GRM3: variants seen among roughly 807,000 people sequenced by gnomAD.
GRM3 encodes the protein glutamate metabotropic receptor 3, also known as metabotropic glutamate receptor 3.
GRM3 carries 26 observed loss-of-function variants against 70.5 expected under a neutral mutation model. The ratio of observed to expected loss-of-function variants is 0.37; its 90% CI spans 0.27 to 0.51. The LOEUF (loss-of-function observed/expected upper bound fraction) is 0.51, where lower values mean the gene tolerates loss of function less well. Ranked by LOEUF, GRM3 falls within the 20% of genes least tolerant of loss-of-function variation. The probability of loss-of-function intolerance (pLI) is 0.93; values close to 1 mark genes in which losing one functional copy is unlikely to be tolerated. For missense variants in GRM3, 859 were observed against 1,123.8 expected (o/e 0.76, Z 3.37); for synonymous variants, 443 against 434.9 (o/e 1.02, Z -0.23).
chr7:86,777,834 A>G (rs1028295698), intron 2 of GRM3, among the ~76,000 whole-genome samples: 3 of 152,160 alleles, frequency 2.0e-5, no homozygotes, highest in Admixed American at 1.3e-4. Context: ...ATACAAGCCA[A>G]TCTGGGATTT....
At chr7:86,720,411 C>T (rs746762643) in intron 1 of GRM3, among the ~76,000 whole-genome samples, 1 of 152,072 alleles carries the variant, frequency 6.6e-6, no homozygotes. Context: ...TAGCTTTAGA[C>T]ATCAGAAGAT....
chr7:86,772,354 T>G (rs1298005074), intron 2 of GRM3, among the ~76,000 whole-genome samples: 2 of 152,076 alleles, frequency 1.3e-5, no homozygotes, highest in African/African-American at 2.4e-5. Context: ...TGCTCATAAA[T>G]GAGAAATAAG....
intron 1 of GRM3, among the ~76,000 whole-genome samples, chr7:86,762,652 C>G (rs1796507940): frequency 6.6e-6 from 1 of 152,024 alleles, no homozygotes; most frequent in South Asian, 2.1e-4. Context: ...CTTGAACAAA[C>G]TACAACAGGA....
chr7:86,741,283 G>A (rs1023994793), intron 1 of GRM3, among the ~76,000 whole-genome samples: 24 of 152,086 alleles, frequency 1.6e-4, no homozygotes, highest in Middle Eastern at 3.2e-3. Flanking sequence ...TTCCAGTGGC[G>A]GTGGGCCGGA....
At chr7:86,702,929 C>T (rs1034067143) in intron 1 of GRM3, among the ~76,000 whole-genome samples, 3 of 151,846 alleles carry the variant, frequency 2.0e-5, no homozygotes, top group African/African-American at 7.2e-5. Context: ...TAAAAGAAAA[C>T]AAATCACCCA....
At chr7:86,699,712 A>C (rs1167857705) in intron 1 of GRM3, among the ~76,000 whole-genome samples, 1 of 152,050 alleles carries the variant, frequency 6.6e-6, no homozygotes, top group Non-Finnish European at 1.5e-5. Context: ...ATCTCAGTAC[A>C]GATTTCATCC....
chr7:86,677,943 T>C (rs979423350), intron 1 of GRM3, among the ~76,000 whole-genome samples: 1 of 151,982 alleles, frequency 6.6e-6, no homozygotes, highest in Non-Finnish European at 1.5e-5. Flanking sequence ...GCAAAAAAAT[T>C]AGAAGAACCT....
intron 1 of GRM3, among the ~76,000 whole-genome samples, chr7:86,735,700 T>A (rs1001351035): frequency 6.6e-6 from 1 of 152,198 alleles, no homozygotes; most frequent in Non-Finnish European, 1.5e-5. Flanking sequence ...AAGGATCAAA[T>A]AAAGCTGTCT....
intron 4 of GRM3, among the ~76,000 whole-genome samples, chr7:86,842,070 C>A (rs1049419159): frequency 6.6e-6 from 1 of 152,124 alleles, no homozygotes; most frequent in Non-Finnish European, 1.5e-5. Context: ...CATATTGAAT[C>A]AACTGTGTAG....
intron 1 of GRM3, among the ~76,000 whole-genome samples, chr7:86,654,147 T>G (rs1349023736): frequency 2.0e-5 from 3 of 152,126 alleles, no homozygotes; most frequent in Non-Finnish European, 4.4e-5. Flanking sequence ...CAGAGCCACA[T>G]GGGAAAAATG....
At chr7:86,728,537 G>A (rs1340558366) in intron 1 of GRM3, among the ~76,000 whole-genome samples, 2 of 152,064 alleles carry the variant, frequency 1.3e-5, no homozygotes, top group East Asian at 3.9e-4. Flanking sequence ...ATTAAACCAG[G>A]CAAATCAGGT....
chr7:86,792,110 A>G (rs902149991), intron 3 of GRM3, among the ~76,000 whole-genome samples: 2 of 152,248 alleles, frequency 1.3e-5, no homozygotes, highest in African/African-American at 4.8e-5. Flanking sequence ...AAACATCTAA[A>G]GAAATGGAAT....
At chr7:86,666,059 G>A (rs1794017306) in intron 1 of GRM3, among the ~76,000 whole-genome samples, 1 of 151,976 alleles carries the variant, frequency 6.6e-6, no homozygotes, top group Non-Finnish European at 1.5e-5. Context: ...TTAGAAATAA[G>A]ATGTTAATCT....
Position 86,786,670 on chromosome 7 carries a change from C to T in GRM3, c.878C>T (p.Ala293Val). The T allele has an allele frequency of 6.2e-7, 1 of 1,611,984 alleles. No homozygotes were observed. Among genetic ancestry groups the T allele is most frequent in the Non-Finnish European group, 8.5e-7 (1 of 1,179,878 alleles). ...ELIAAASRAN[A>V]SFTWVASDGW... ...ATTGCAGCCGCCAGCCGCGCCAATG[C>T]CTCCTTCACCTGGGTGGCCAGCGAC... The change falls in exon 3 of 6, where the codon GCC becomes GTC. Residue 293 changes from alanine (A) to valine (V), a missense_variant. Physicochemically the swap from Ala to Val is moderately conservative, Grantham distance 64. Transcript: ENST00000361669. The surrounding 1 kb of genome is among the most constrained non-coding windows in gnomAD (Gnocchi z 6.0).
intron 1 of GRM3, among the ~76,000 whole-genome samples, chr7:86,686,691 A>G (rs1794577095): frequency 6.6e-6 from 1 of 152,140 alleles, no homozygotes. Context: ...AAAACAAAAC[A>G]AAAACTTGAT....
At chr7:86,752,519 T>C (rs546083460) in intron 1 of GRM3, among the ~76,000 whole-genome samples, 14 of 152,218 alleles carry the variant, frequency 9.2e-5, no homozygotes, top group African/African-American at 3.4e-4. Context: ...AAAATCTGTC[T>C]CAAATTATAT....
At chr7:86,818,415 T>C (rs1007183592) in intron 3 of GRM3, among the ~76,000 whole-genome samples, 1 of 152,060 alleles carries the variant, frequency 6.6e-6, no homozygotes, top group African/African-American at 2.4e-5. Flanking sequence ...AGAACACAAG[T>C]GCTGGAGTCA....
At chr7:86,862,567 A>T (rs1798980553) in intron 5 of GRM3, among the ~76,000 whole-genome samples, 1 of 152,122 alleles carries the variant, frequency 6.6e-6, no homozygotes, top group Non-Finnish European at 1.5e-5. Context: ...ATTGTAAAGA[A>T]AATTGAACCT....
At chr7:86,743,334 C>A (rs1441777331) in intron 1 of GRM3, among the ~76,000 whole-genome samples, 1 of 151,928 alleles carries the variant, frequency 6.6e-6, no homozygotes, top group Non-Finnish European at 1.5e-5. Flanking sequence ...CACAAAATAT[C>A]CTCCCCCAGC....
Sources: allele counts gnomAD v4.1 joint callset (sites outside exome capture counted in the v4.1 genomes callset), GRCh38; gene constraint gnomAD v4.1.1; non-coding constraint Gnocchi (gnomAD v3.1); transcripts MANE v1.5; gene names NCBI Gene and HGNC (gene_info 2026-07-23, HGNC 2026-07-21).